The following MAGI2 variants were observed in gnomAD, a reference collection of about 807,000 sequenced individuals.
MAGI2 encodes membrane-associated guanylate kinase, WW and PDZ domain-containing protein 2.
In MAGI2, 35 loss-of-function variants were observed where a neutral mutation model predicts 133.3. The ratio of observed to expected loss-of-function variants is 0.26; its 90% CI spans 0.20 to 0.35. The LOEUF is 0.35. Ranked by LOEUF, MAGI2 falls within the 10% of genes least tolerant of loss-of-function variation. MAGI2 has a pLI of 1.00. For missense variants in MAGI2, 1,636 were observed against 1,863.4 expected, an observed-to-expected ratio of 0.88 and a Z score of 2.25; for synonymous variants, 729 against 710.6, an observed-to-expected ratio of 1.03 and a Z score of -0.41.
intron 21 of MAGI2, among the ~76,000 whole-genome samples, chr7:78,048,904 C>T (rs368201321): frequency 2.0e-5 from 3 of 151,704 alleles, no homozygotes; most frequent in Non-Finnish European, 2.9e-5. Context: ...GACAGGAGAT[C>T]GAGACCATCC....
intron 10 of MAGI2, among the ~76,000 whole-genome samples, chr7:78,203,674 G>A (rs185772471): frequency 6.6e-6 from 1 of 152,334 alleles, no homozygotes; most frequent in East Asian, 1.9e-4. Flanking sequence ...GTTGCGTGCT[G>A]CAGAGTAAGG....
chr7:79,194,439 C>T (rs1159660802), intron 1 of MAGI2, among the ~76,000 whole-genome samples: 1 of 151,768 alleles, frequency 6.6e-6, no homozygotes, highest in Non-Finnish European at 1.5e-5. Flanking sequence ...CAGAGATGGC[C>T]ATGCATTTTC....
At chr7:79,443,285 C>CAT (rs1346753032) in intron 1 of MAGI2, among the ~76,000 whole-genome samples, 33 of 139,430 alleles carry the variant, frequency 2.4e-4, no homozygotes, top group African/African-American at 7.4e-4. Context: ...TGTGTGTGTG[C>CAT]GTGTGTGTGT....
intron 6 of MAGI2, among the ~76,000 whole-genome samples, chr7:78,428,292 A>T (rs889605286): frequency 4.6e-5 from 7 of 152,146 alleles, no homozygotes; most frequent in Non-Finnish European, 1.0e-4. Context: ...CTTCTTTATA[A>T]ATACAAAGTC....
At chr7:78,065,611 G>T (rs1333682819) in intron 21 of MAGI2, 2 of 698,122 alleles carry the variant, frequency 2.9e-6, no homozygotes, top group South Asian at 3.0e-5. Context: ...GAAATATGGG[G>T]ACCCATGCTT....
chr7:78,751,995 C>T lies in MAGI2; in HGVS notation c.419-124756G>A, dbSNP rs1215586506. On this transcript the variant is annotated intron_variant, in intron 2 of 21. Transcript: ENST00000354212. ...GTCATAACCCTTCAATCAAAGATCA[C>T]CAGAAAACAAGGAAGAACATATACC... Among the ~76,000 whole-genome samples, 4 of 152,144 alleles carry T rather than the reference C, an allele frequency of 2.6e-5. No homozygotes were observed. The South Asian group carries it at 6.2e-4, about 24-fold the overall frequency.
chr7:78,763,466 C>T (rs1428530597), intron 2 of MAGI2, among the ~76,000 whole-genome samples: 1 of 152,114 alleles, frequency 6.6e-6, no homozygotes, highest in Non-Finnish European at 1.5e-5. Context: ...TTTACCTTAG[C>T]ACACACTGAG....
chr7:78,492,619 G>A (rs955086381), intron 5 of MAGI2, among the ~76,000 whole-genome samples: 8 of 152,122 alleles, frequency 5.3e-5, no homozygotes, highest in African/African-American at 1.9e-4. Context: ...TTCAGAATGG[G>A]ATAATTGAGG....
chr7:78,493,299 C>T (rs10268479), intron 5 of MAGI2, among the ~76,000 whole-genome samples: 54,740 of 152,034 alleles, frequency 0.36, 10,210 homozygotes, highest in South Asian at 0.49. Context: ...ATCCTATCTT[C>T]TGAGAAAACA....
In MAGI2 at chr7:79,013,519, T is replaced by C. The variant is rs1808389086; in HGVS notation, c.302-6313A>G. Among the ~76,000 whole-genome samples the C allele has an allele frequency of 2.0e-5, 3 of 152,172 alleles. No homozygotes were observed. In the South Asian group the frequency reaches 6.2e-4, roughly 32 times the overall value. Reference sequence around the variant, plus strand: ...AGGAAAGTATTATAGGGCTGTGTTGTTAAGTTCCTTTTTCAAAAATAGTTT... The same window carrying C: ...AGGAAAGTATTATAGGGCTGTGTTGCTAAGTTCCTTTTTCAAAAATAGTTT... On this transcript the variant is annotated intron_variant, in intron 1 of 21. Coordinates refer to ENST00000354212, the MANE Select transcript of MAGI2 (RefSeq NM_012301.4).
chr7:78,176,132 A>C (rs1342204171), intron 14 of MAGI2, among the ~76,000 whole-genome samples: 1 of 152,154 alleles, frequency 6.6e-6, no homozygotes, highest in African/African-American at 2.4e-5. Flanking sequence ...AAAGCTGTGA[A>C]TGGGAGTAAA....
At chr7:78,280,429 A>G (rs747109410) in intron 9 of MAGI2, among the ~76,000 whole-genome samples, 1 of 152,186 alleles carries the variant, frequency 6.6e-6, no homozygotes, top group African/African-American at 2.4e-5. Context: ...TGTTTGTAAG[A>G]GACCTGCAAA....
chr7:78,412,036 T>C lies in MAGI2; in HGVS notation c.1046-42823A>G, dbSNP rs73701471. 6.7e-3 allele frequency among the ~76,000 whole-genome samples: 1,018 copies of C among 152,182 alleles called. 8 individuals carry two copies. Among genetic ancestry groups the C allele is most frequent in the African/African-American group, 0.023 (960 of 41,550 alleles). Reference sequence around the variant, plus strand: ...TCTTACATTAAGTGGAGATAGGTAATTGTTAAGTGCAACTTTAAGGCATTG... The same window carrying C: ...TCTTACATTAAGTGGAGATAGGTAACTGTTAAGTGCAACTTTAAGGCATTG... On this transcript the variant is annotated intron_variant, in intron 6 of 21. Coordinates refer to ENST00000354212, the MANE Select transcript of MAGI2 (RefSeq NM_012301.4).
chr7:78,076,831 C>T lies in MAGI2; in HGVS notation c.3706+2116G>A, dbSNP rs1337224479. Among the ~76,000 whole-genome samples, 7 of 109,316 alleles carry T rather than the reference C, an allele frequency of 6.4e-5. No homozygotes were observed. The South Asian group carries it at 1.6e-3, about 25-fold the overall frequency. 71.7% of individuals were successfully genotyped at this position (109,316 alleles called of 152,430 possible). A position where few individuals can be genotyped will look rare whatever the true frequency, so the allele number is the denominator to read the frequency against. On this transcript the variant is annotated intron_variant, in intron 21 of 21. Coordinates refer to ENST00000354212, the MANE Select transcript of MAGI2 (RefSeq NM_012301.4). ...ACTGCAGTCCGCAGTCCGGCCTGGG[C>T]GACAGAGCGAGACTCCGTCTCAAAA...
chr7:78,278,175 A>T (rs574832447), intron 9 of MAGI2, among the ~76,000 whole-genome samples: 3 of 152,106 alleles, frequency 2.0e-5, no homozygotes, highest in Non-Finnish European at 4.4e-5. Context: ...GGGAATTACA[A>T]AAAAACACAC....
At position 78,285,241 on chromosome 7, in the gene MAGI2, C is replaced by CA. The variant is rs201097970; in HGVS notation, c.1409-28661dup. Among the ~76,000 whole-genome samples, 1,360 of 151,716 alleles carry CA rather than the reference C, an allele frequency of 9.0e-3. 16 individuals carry two copies. Among genetic ancestry groups the CA allele is most frequent in the Non-Finnish European group, 0.012 (838 of 67,848 alleles). On this transcript the variant is annotated intron_variant, in intron 9 of 21. Coordinates refer to ENST00000354212, the MANE Select transcript of MAGI2 (RefSeq NM_012301.4). ...GGGCAGACAATCTAGGTTACGCATCCAAAAAAAATCTTAATCCATTTTTAG... is the reference window on the plus strand; with the variant it reads ...GGGCAGACAATCTAGGTTACGCATCCAAAAAAAAATCTTAATCCATTTTTAG...
intron 2 of MAGI2, among the ~76,000 whole-genome samples, chr7:78,852,471 A>G (rs1261427062): frequency 6.6e-6 from 1 of 152,064 alleles, no homozygotes; most frequent in Non-Finnish European, 1.5e-5. Context: ...GGTCACAAAG[A>G]TAACCTTCTA....
At chr7:78,552,112 T>G (rs1289269656) in intron 3 of MAGI2, among the ~76,000 whole-genome samples, 2 of 151,734 alleles carry the variant, frequency 1.3e-5, no homozygotes, top group African/African-American at 4.8e-5. Context: ...CAATTCGACT[T>G]GAAGAAAAAC....
intron 7 of MAGI2, among the ~76,000 whole-genome samples, chr7:78,348,135 A>G (rs1398156856): frequency 2.0e-5 from 3 of 152,152 alleles, no homozygotes; most frequent in African/African-American, 7.2e-5. Flanking sequence ...ACATACTTGG[A>G]GCTACTTTGA....
Sources: gnomAD v4.1 joint callset for allele counts (sites outside exome capture counted in the v4.1 genomes callset) on GRCh38, gnomAD v4.1.1 for gene constraint, MANE v1.5 for transcripts, NCBI Gene and HGNC (gene_info 2026-07-23, HGNC 2026-07-21) for gene names.